Variants in PRKN observed in about 807,000 individuals in gnomAD.
The protein encoded by PRKN is parkin RBR E3 ubiquitin protein ligase.
In PRKN, 56 loss-of-function variants were observed where a neutral mutation model predicts 59.5. The ratio of observed to expected loss-of-function variants is 0.94; its 90% CI spans 0.76 to 1.18. The LOEUF is 1.18. Among genes scored for constraint, PRKN ranks in the 50% most tolerant of loss-of-function variants. PRKN has a pLI of 0.00. For synonymous variants in PRKN, 250 were observed against 222.1 expected, an observed-to-expected ratio of 1.13 and a Z score of -1.12; for missense variants, 657 against 596.4, an observed-to-expected ratio of 1.10 and a Z score of -1.06.
intron 7 of PRKN, among the ~76,000 whole-genome samples, chr6:161,695,012 C>T (rs1008292815): frequency 6.6e-6 from 1 of 152,122 alleles, no homozygotes; most frequent in Non-Finnish European, 1.5e-5. Context: ...TTAAAAACCT[C>T]CCCAGGCAAT....
chr6:161,908,658 T>C (rs1191457285), intron 6 of PRKN, among the ~76,000 whole-genome samples: 1 of 111,964 alleles, frequency 8.9e-6, no homozygotes, highest in Admixed American at 8.7e-5. Context: ...AGTGAAGTTC[T>C]TTTCAATGAA....
chr6:161,622,959 T>C (rs959418781), intron 7 of PRKN, among the ~76,000 whole-genome samples: 3 of 152,362 alleles, frequency 2.0e-5, no homozygotes, highest in African/African-American at 4.8e-5. Flanking sequence ...TCACTTGTCT[T>C]GGCAAAAGCA....
chr6:162,668,175 CAG>C (rs1244349811), intron 1 of PRKN, among the ~76,000 whole-genome samples: 4 of 152,144 alleles, frequency 2.6e-5, no homozygotes, highest in African/African-American at 9.7e-5. Flanking sequence ...GTAAACTCAT[CAG>C]AGTATTTCAT....
intron 5 of PRKN, among the ~76,000 whole-genome samples, chr6:162,042,691 C>A (rs1475261200): frequency 1.3e-5 from 2 of 152,144 alleles, no homozygotes; most frequent in Non-Finnish European, 2.9e-5. Context: ...ATTAATACTA[C>A]TCACTATTAA....
In PRKN at chr6:161,548,965, G is replaced by C; in HGVS notation, c.972C>G (p.Val324=). ...RYQQYGAEEC[V]LQMGGVLCPR... is the part of the protein sequence containing the mutation. ...GGCATAACACGCCCCCCATCTGCAG[G>C]ACACACTCCTCTGCACCATACTGCT... is the stretch of plus-strand genomic sequence containing the variant. The change falls in exon 9 of 12, where the codon GTC becomes GTG. Residue 324 remains valine, a synonymous_variant. Coordinates refer to ENST00000366898, the MANE Select transcript of PRKN (RefSeq NM_004562.3). This position sits in a 1 kb window ranked among gnomAD's most constrained non-coding sequence, Gnocchi z 4.2. 6.2e-7 allele frequency: 1 copy of C among 1,614,124 alleles called. No homozygotes were observed. The highest frequency in any genetic ancestry group is 8.5e-7 in the Non-Finnish European group (1 of 1,180,006).
rs148393862 is a variant in PRKN, at chr6:161,562,856, A to G, written c.933+6499T>C. ...ATTGCAACAAGATTGACATACTCAAAATGTAATTTGGATAATGCTAACCCC... is the reference window on the plus strand; with the variant it reads ...ATTGCAACAAGATTGACATACTCAAGATGTAATTTGGATAATGCTAACCCC... On this transcript the variant is annotated intron_variant, in intron 8 of 11. Transcript: ENST00000366898. This position sits in a 1 kb window ranked among gnomAD's most constrained non-coding sequence, Gnocchi z 4.3. Among the ~76,000 whole-genome samples the G allele has an allele frequency of 4.9e-3, 742 of 152,274 alleles. 4 individuals are homozygous for G. The highest frequency in any genetic ancestry group is 9.1e-3 in the East Asian group (47 of 5,182).
At chr6:161,757,878 T>TACACACAC (rs1172982499) in intron 7 of PRKN, among the ~76,000 whole-genome samples, 13 of 94,696 alleles carry the variant, frequency 1.4e-4, no homozygotes, top group African/African-American at 6.5e-4. Flanking sequence ...TCTCTGTGTA[T>TACACACAC]ATATATATAC....
chr6:162,558,174 T>G (rs2128205613), intron 1 of PRKN, among the ~76,000 whole-genome samples: 1 of 152,302 alleles, frequency 6.6e-6, no homozygotes, highest in East Asian at 1.9e-4. Context: ...TTATGGTGAC[T>G]ATTATGCCAT....
rs1337711609 is a variant in PRKN, at chr6:161,502,805, G to A, written c.1083+46049C>T. Among the ~76,000 whole-genome samples, 1 of 152,212 alleles carries A rather than the reference G, an allele frequency of 6.6e-6. No individual in the cohort carries two copies. The highest frequency in any genetic ancestry group is 2.4e-5 in the African/African-American group (1 of 41,458). On this transcript the variant is annotated intron_variant, in intron 9 of 11. Transcript: ENST00000366898. This position sits in a 1 kb window ranked among gnomAD's most constrained non-coding sequence, Gnocchi z 4.0. ...CGGTGAATGTGTGGGAAGGACAGGT[G>A]TGGAATGGTTATAAGTACATGCTCT...
rs751629524 is a variant in PRKN, at chr6:161,566,469, C to T, written c.933+2886G>A. Reference sequence around the variant, plus strand: ...TCACCCAGGCTGGAGTGCATTGGCACGATATTGGCTCACTGCAACCTCCGC... The same window carrying T: ...TCACCCAGGCTGGAGTGCATTGGCATGATATTGGCTCACTGCAACCTCCGC... On this transcript the variant is annotated intron_variant, in intron 8 of 11. Coordinates refer to ENST00000366898, the MANE Select transcript of PRKN (RefSeq NM_004562.3). The surrounding 1 kb of genome is among the most constrained non-coding windows in gnomAD (Gnocchi z 4.1). 3.3e-5 allele frequency among the ~76,000 whole-genome samples: 5 copies of T among 152,164 alleles called. No homozygotes were observed. Among genetic ancestry groups the T allele is most frequent in the East Asian group, 1.9e-4 (1 of 5,182 alleles).
chr6:162,427,644 G>GTTTTTTTTTTT (rs1219394770), intron 2 of PRKN, among the ~76,000 whole-genome samples: 7 of 144,208 alleles, frequency 4.9e-5, no homozygotes, highest in African/African-American at 1.0e-4. Flanking sequence ...GTAAATAAAT[G>GTTTTTTTTTTT]TTTTTTTTTC....
At chr6:161,756,437 G>A (rs1352372912) in intron 7 of PRKN, among the ~76,000 whole-genome samples, 2 of 54,908 alleles carry the variant, frequency 3.6e-5, no homozygotes, top group Non-Finnish European at 6.1e-5. Context: ...GTGAAACCTT[G>A]TCTCGAAAAA....
chr6:161,364,548 G>T (rs1785117372), intron 10 of PRKN, among the ~76,000 whole-genome samples: 1 of 146,458 alleles, frequency 6.8e-6, no homozygotes, highest in African/African-American at 2.5e-5. Context: ...GCTGCAAGAA[G>T]AAACTGTGAG....
chr6:162,684,674 T>C (rs981719543), intron 1 of PRKN, among the ~76,000 whole-genome samples: 2 of 152,082 alleles, frequency 1.3e-5, no homozygotes, highest in South Asian at 4.1e-4. Flanking sequence ...GTTACTGTTG[T>C]CTTCATGGTA....
At chr6:161,507,305 C>T (rs942177004) in intron 9 of PRKN, among the ~76,000 whole-genome samples, 5 of 152,112 alleles carry the variant, frequency 3.3e-5, no homozygotes, top group African/African-American at 9.7e-5. Context: ...AGTATCTTTT[C>T]AGTGTGGCAT....
chr6:161,738,667 G>A (rs530883409), intron 7 of PRKN, among the ~76,000 whole-genome samples: 23 of 152,192 alleles, frequency 1.5e-4, no homozygotes, highest in Non-Finnish European at 2.6e-4. Context: ...GTCACCAGGT[G>A]TAGAGGCTGC....
chr6:161,349,991 TGCGC>T lies in PRKN; in HGVS notation c.*104_*107del. On this transcript the variant is annotated 3_prime_UTR_variant, in exon 12 of 12. Coordinates refer to ENST00000366898, the MANE Select transcript of PRKN (RefSeq NM_004562.3). This position sits in a 1 kb window ranked among gnomAD's most constrained non-coding sequence, Gnocchi z 5.5. ...TTGAAAAAAACTTGAAGAGTGTGTG[TGCGC>T]GCGCGCGCGTGTGTGTGTGTGTTTG... The T allele has an allele frequency of 6.4e-6, 5 of 775,426 alleles. No homozygotes were observed. Among genetic ancestry groups the T allele is most frequent in the Admixed American group, 2.0e-5 (1 of 49,948 alleles). The allele number at this position is 775,426 out of a possible 1,614,324, so 48.0% of individuals were successfully genotyped here.
chr6:161,934,099 G>C (rs11963053), intron 6 of PRKN, among the ~76,000 whole-genome samples: 1 of 152,156 alleles, frequency 6.6e-6, no homozygotes, highest in Non-Finnish European at 1.5e-5. Context: ...ATTGAATCAC[G>C]GGGGCGCTTC....
At chr6:162,104,533 A>G (rs978294126) in intron 4 of PRKN, among the ~76,000 whole-genome samples, 8 of 152,208 alleles carry the variant, frequency 5.3e-5, no homozygotes, top group Admixed American at 3.3e-4. Flanking sequence ...ACATGAAAGA[A>G]GAAGAAATCA....
Sources: gnomAD v4.1 joint callset for allele counts (sites outside exome capture counted in the v4.1 genomes callset) on GRCh38, gnomAD v4.1.1 for gene constraint, Gnocchi (gnomAD v3.1) non-coding constraint, MANE v1.5 for transcripts, NCBI Gene and HGNC (gene_info 2026-07-23, HGNC 2026-07-21) for gene names.